USP24: variants seen among roughly 807,000 people sequenced by gnomAD.
USP24 encodes the protein ubiquitin carboxyl-terminal hydrolase 24.
Under a neutral mutation model 361.6 loss-of-function variants are expected in USP24, and 97 were observed. That is an observed-to-expected ratio of 0.27 (90% CI 0.23 to 0.32). The LOEUF is 0.32. Among genes scored for constraint, USP24 ranks in the 10% least tolerant of loss-of-function variants. USP24 has a pLI of 1.00. For synonymous variants in USP24, 1,098 were observed against 1,124.6 expected (o/e 0.98, Z 0.47); for missense variants, 2,353 against 3,165.6 (o/e 0.74, Z 6.16).
chr1:55,097,582 G>A lies in USP24; in HGVS notation c.5715+16C>T. On this transcript the variant is annotated intron_variant, in intron 48 of 67. Transcript: ENST00000294383. ...AATGAATGGTTGTGAAAAATTTCAG[G>A]AAGAAAAAAAGTTACCCTTATTTGT... is the stretch of plus-strand genomic sequence containing the variant. The A allele has an allele frequency of 6.6e-7, 1 of 1,523,836 alleles. No individual in the cohort carries two copies. Among genetic ancestry groups the A allele is most frequent in the Non-Finnish European group, 8.8e-7 (1 of 1,140,244 alleles). The allele number at this position is 1,523,836 out of a possible 1,614,324, so 94.4% of individuals were successfully genotyped here. A position where few individuals can be genotyped will look rare whatever the true frequency, so the allele number is the denominator to read the frequency against.
chr1:55,167,688 G>A (rs1270803526), intron 5 of USP24, among the ~76,000 whole-genome samples: 1 of 152,160 alleles, frequency 6.6e-6, no homozygotes. Flanking sequence ...GCAGCAGAAG[G>A]CGCCGAGAGA....
intron 7 of USP24, among the ~76,000 whole-genome samples, chr1:55,164,252 T>C (rs1488811107): frequency 1.3e-5 from 2 of 151,852 alleles, no homozygotes; most frequent in African/African-American, 2.4e-5. Flanking sequence ...AGAAAGAACA[T>C]GCATAGATTT....
intron 67 of USP24, among the ~76,000 whole-genome samples, chr1:55,070,327 G>A (rs1203700835): frequency 6.6e-6 from 1 of 152,182 alleles, no homozygotes; most frequent in Non-Finnish European, 1.5e-5. Flanking sequence ...GGAGGATACA[G>A]GTTAGAGACT....
chr1:55,072,056 CA>C, intron 66 of USP24, 132 bp from the exon 67 acceptor site: 1 of 825,478 alleles, frequency 1.2e-6, no homozygotes, highest in South Asian at 1.6e-5. Context: ...TCATCACAGT[CA>C]CCAGAACCCC....
At chr1:55,156,857 G>A in intron 12 of USP24, 91 bp downstream of exon 12, 1 of 873,204 alleles carries the variant, frequency 1.1e-6, no homozygotes, top group Non-Finnish European at 1.9e-6. Context: ...GCAAGATAAA[G>A]TTTCCGTTTT....
rs780505238 is a variant in USP24, at chr1:55,083,785, G to A, written c.6869C>T (p.Thr2290Ile). 1.9e-6 allele frequency: 3 copies of A among 1,590,278 alleles called. No individual in the cohort carries two copies. Among genetic ancestry groups the A allele is most frequent in the Non-Finnish European group, 2.6e-6 (3 of 1,168,244 alleles). ...NCAQYFFLFN[T>I]FVQKQGIRAG... is the part of the protein sequence containing the mutation. ...AAAATTATTTACCTTTTGTACAAAA[G>A]TGTTGAACAGGAAAAAGTACTGAGC... Residue 2290 changes from threonine to isoleucine, a missense_variant, in exon 57 of 68, where the codon ACT (threonine) becomes ATT (isoleucine). This residue lies in a region of USP24 where 598 missense variants were observed against 761.9 expected (regional missense o/e 0.78). Coordinates refer to ENST00000294383, the MANE Select transcript of USP24 (RefSeq NM_015306.3).
At chr1:55,166,029 T>C (rs1648810914) in intron 6 of USP24, 79 bp from the exon 7 acceptor site, 3 of 1,367,348 alleles carry the variant, frequency 2.2e-6, no homozygotes, top group South Asian at 1.3e-5. Context: ...TGGTACATAG[T>C]AGGTGTATAT....
rs1319039291 is a variant in USP24 at position 55,121,431 on chromosome 1, C to G, written c.4347+5G>C. 6.2e-7 allele frequency: 1 copy of G among 1,612,094 alleles called. No individual in the cohort carries two copies. Among genetic ancestry groups the G allele is most frequent in the East Asian group, 2.2e-5 (1 of 44,846 alleles). On this transcript the variant is annotated splice_donor_5th_base_variant and intron_variant, in intron 37 of 67. Transcript: ENST00000294383. ...AGTTTTGTAAGTAATGTGAAAAATC[C>G]TTACCTCAGCACTTGGTGATCCGAG...
At chr1:55,136,682 C>A (rs1646744680) in intron 28 of USP24, among the ~76,000 whole-genome samples, 1 of 152,034 alleles carries the variant, frequency 6.6e-6, no homozygotes, top group Non-Finnish European at 1.5e-5. Context: ...AAGAAGGAAC[C>A]CAAAGATTCT....
At chr1:55,111,317 C>G (rs1645943988) in intron 38 of USP24, among the ~76,000 whole-genome samples, 1 of 152,038 alleles carries the variant, frequency 6.6e-6, no homozygotes, top group African/African-American at 2.4e-5. Flanking sequence ...TTAAGAGATT[C>G]TTTAAGAGTA....
Position 55,176,404 on chromosome 1 carries a change from T to A in USP24, c.530A>T (p.Asp177Val). 6.4e-7 allele frequency: 1 copy of A among 1,572,882 alleles called. No homozygotes were observed. Among genetic ancestry groups the A allele is most frequent in the African/African-American group, 1.3e-5 (1 of 74,332 alleles). Residue 177 changes from aspartate to valine, a missense_variant, in exon 3 of 68, where the codon GAC (aspartate) becomes GTC (valine). Around this residue, in one of 8 missense-constraint regions of USP24, gnomAD observed 253 missense variants for 255.3 expected, o/e 0.99. Transcript: ENST00000294383. ...TTTAAATGCTTCAGGCATACACCTG[T>A]CCATAAACCTTCTACAATTCTCATC... ...ESDENCRRFM[D>V]RCMPEAFKKL... is the part of the protein sequence containing the mutation.
intron 5 of USP24, among the ~76,000 whole-genome samples, chr1:55,170,952 A>T (rs1452708136): frequency 1.3e-5 from 2 of 152,210 alleles, no homozygotes; most frequent in African/African-American, 4.8e-5. Flanking sequence ...TTGCTGACCT[A>T]AACCTCTGCT....
intron 1 of USP24, among the ~76,000 whole-genome samples, chr1:55,188,725 G>C (rs1457539888): frequency 6.6e-6 from 1 of 151,998 alleles, no homozygotes; most frequent in Non-Finnish European, 1.5e-5. Context: ...TTGGGAGGCT[G>C]AGGCAGGTGG....
rs115456740 is a variant in USP24, at chr1:55,105,855, T to C, written c.4880+291A>G. Among the ~76,000 whole-genome samples, 60 of 152,254 alleles carry C rather than the reference T, an allele frequency of 3.9e-4. 1 individual carries two copies. The highest frequency in any genetic ancestry group is 1.4e-3 in the African/African-American group (57 of 41,536). Reference sequence around the variant, plus strand: ...CTATTTACTTGTACTTTCGACATAATTTTTATAACCTTCGTTTCTCTTGGC... The same window carrying C: ...CTATTTACTTGTACTTTCGACATAACTTTTATAACCTTCGTTTCTCTTGGC... On this transcript the variant is annotated intron_variant, in intron 41 of 67. Coordinates refer to ENST00000294383, the MANE Select transcript of USP24 (RefSeq NM_015306.3).
chr1:55,145,795 T>C (rs1016644860), intron 20 of USP24, among the ~76,000 whole-genome samples: 74 of 152,172 alleles, frequency 4.9e-4, no homozygotes, highest in African/African-American at 1.6e-3. Context: ...TAGCAGGCCA[T>C]ATGATTTAAA....
At chr1:55,192,555 TAGAAAC>T (rs1644317519) in intron 1 of USP24, among the ~76,000 whole-genome samples, 3 of 152,204 alleles carry the variant, frequency 2.0e-5, no homozygotes, top group African/African-American at 7.2e-5. Flanking sequence ...AATAAACAAT[TAGAAAC>T]ATATATGTGA....
At chr1:55,152,387 T>C (rs1414362422) in intron 16 of USP24, among the ~76,000 whole-genome samples, 6 of 152,186 alleles carry the variant, frequency 3.9e-5, no homozygotes, top group Non-Finnish European at 8.8e-5. Flanking sequence ...TGTTTAGCTG[T>C]AACAAGGAAG....
chr1:55,120,509 T>G (rs746942976), intron 38 of USP24, 87 bp downstream of exon 38: 1 of 1,388,856 alleles, frequency 7.2e-7, no homozygotes, highest in Middle Eastern at 2.5e-4. Flanking sequence ...ATCTCAATAA[T>G]GCACTGTGGA....
At chr1:55,138,896 T>C (rs2100677266) in intron 25 of USP24, 48 bp downstream of exon 25, 7 of 1,577,270 alleles carry the variant, frequency 4.4e-6, no homozygotes, top group Non-Finnish European at 6.1e-6. Context: ...GAAGATCGCT[T>C]GAGTCCAGCC....
Sources: allele counts gnomAD v4.1 joint callset (sites outside exome capture counted in the v4.1 genomes callset), GRCh38; gene constraint gnomAD v4.1.1; regional missense constraint gnomAD v4.1.1; transcripts MANE v1.5; gene names NCBI Gene and HGNC (gene_info 2026-07-23, HGNC 2026-07-21).